The following COL18A1 variants were observed in gnomAD, a reference collection of about 807,000 sequenced individuals.
The protein encoded by COL18A1 is collagen alpha-1(XVIII) chain.
In COL18A1, 133 loss-of-function variants were observed where a neutral mutation model predicts 168.0. That is an observed-to-expected ratio of 0.79 (90% CI 0.69 to 0.91). The LOEUF is 0.91. Ranked by LOEUF, COL18A1 falls within the 40% of genes least tolerant of loss-of-function variation. The pLI, the probability that COL18A1 is intolerant of heterozygous loss-of-function variation, is 0.00. For synonymous variants in COL18A1, 949 were observed against 809.0 expected (o/e 1.17, Z -2.94); for missense variants, 2,126 against 1,925.4 (o/e 1.10, Z -1.95).
intron 32 of COL18A1, 65 bp downstream of exon 32, chr21:45,497,726 A>T: frequency 6.5e-7 from 1 of 1,546,020 alleles, no homozygotes; most frequent in South Asian, 1.2e-5. Flanking sequence ...GTGTGGTCAC[A>T]CCTAGAGCCG....
intron 2 of COL18A1, among the ~76,000 whole-genome samples, chr21:45,435,324 G>A (rs2034071205): frequency 1.3e-5 from 2 of 150,154 alleles, no homozygotes; most frequent in South Asian, 2.1e-4. Flanking sequence ...GGCGGAGGGA[G>A]GAGGAGGAAG....
rs1018522634 is a variant in COL18A1 at position 45,493,392 on chromosome 21, G to C, written c.2278-109G>C. On this transcript the variant is annotated intron_variant, in intron 25 of 41. Coordinates refer to ENST00000651438, the MANE Select transcript of COL18A1 (RefSeq NM_001379500.1). ...GTCCCTGTGGTCACCTCCCGTGAAA[G>C]GACCCAGCCTGCGAGGCCCAGTCAC... The C allele has an allele frequency of 7.9e-5, 103 of 1,297,908 alleles. No individual in the cohort carries two copies. The African/African-American group carries it at 1.3e-3, about 17-fold the overall frequency. The allele number at this position is 1,297,908 out of a possible 1,614,324, so 80.4% of individuals were successfully genotyped here. A position where few individuals can be genotyped will look rare whatever the true frequency, so the allele number is the denominator to read the frequency against.
intron 2 of COL18A1, among the ~76,000 whole-genome samples, chr21:45,464,183 A>G (rs2035127874): frequency 6.6e-6 from 1 of 151,842 alleles, no homozygotes; most frequent in African/African-American, 2.4e-5. Flanking sequence ...GTGCCCAGGC[A>G]CTGGGGCAGA....
chr21:45,503,501 T>C (rs1476977921), intron 32 of COL18A1, among the ~76,000 whole-genome samples: 1 of 151,794 alleles, frequency 6.6e-6, no homozygotes, highest in South Asian at 2.1e-4. Flanking sequence ...ATGGATGAAA[T>C]TGGAAATCAT....
intron 36 of COL18A1, 123 bp downstream of exon 36, chr21:45,505,554 G>T (rs939417961): frequency 1.4e-6 from 1 of 701,280 alleles, no homozygotes; most frequent in Non-Finnish European, 2.5e-6. Flanking sequence ...GCCAAGATGC[G>T]GTTTCCAGGG....
At chr21:45,479,835 C>G in intron 9 of COL18A1, 67 bp from the exon 10 acceptor site, 1 of 1,606,262 alleles carries the variant, frequency 6.2e-7, no homozygotes, top group Non-Finnish European at 8.5e-7. Flanking sequence ...GGGAGGAGCA[C>G]TGAGAGTGCT....
chr21:45,439,563 C>T (rs922156449), intron 2 of COL18A1, among the ~76,000 whole-genome samples: 1 of 148,358 alleles, frequency 6.7e-6, no homozygotes, highest in African/African-American at 2.4e-5. Flanking sequence ...GGGCCTCTGG[C>T]TCCCCCTGGC....
At chr21:45,495,849 A>G (rs1315708762) in intron 29 of COL18A1, 10 of 323,472 alleles carry the variant, frequency 3.1e-5, no homozygotes, top group Admixed American at 1.7e-4. Context: ...ATATACATAC[A>G]CTCATACATG....
rs1568952939 is a variant in COL18A1 at position 45,510,281 on chromosome 21, AGGGCGCGGGCTCCTC to A, written c.3693+23_3693+37del. ...CTCAAGGTGGGTCAGTCCAGTCCTG[AGGGCGCGGGCTCCTC>A]GGCCCCCACTTGACCTCTGGGGTGA... On this transcript the variant is annotated intron_variant, in intron 40 of 41. Transcript: ENST00000651438. 6.3e-7 allele frequency: 1 copy of A among 1,585,460 alleles called. No individual in the cohort carries two copies. Among genetic ancestry groups the A allele is most frequent in the Non-Finnish European group, 8.6e-7 (1 of 1,166,858 alleles).
chr21:45,492,872 G>A (rs896684349), intron 24 of COL18A1, among the ~76,000 whole-genome samples, 159 bp downstream of exon 24: 3 of 152,328 alleles, frequency 2.0e-5, no homozygotes, highest in Non-Finnish European at 4.4e-5. Flanking sequence ...GGATGTGGGC[G>A]AGAGCCGCTG....
intron 2 of COL18A1, among the ~76,000 whole-genome samples, chr21:45,414,582 C>G (rs1249245713): frequency 6.6e-6 from 1 of 152,094 alleles, no homozygotes; most frequent in Non-Finnish European, 1.5e-5. Context: ...GCGGCCGACT[C>G]TGCCCCAGGC....
rs368081758 is a variant in COL18A1 at position 45,437,210 on chromosome 21, G to GCA, written c.107-31019_107-31018dup. On this transcript the variant is annotated intron_variant, in intron 2 of 41. Coordinates refer to ENST00000651438, the MANE Select transcript of COL18A1 (RefSeq NM_001379500.1). ...CACACAGACACACAGGCACTCTCCT[G>GCA]CACACACACACACAGACACACAGGC... Among the ~76,000 whole-genome samples, 73 of 83,582 alleles carry GCA rather than the reference G, an allele frequency of 8.7e-4. 1 individual carries two copies. Among genetic ancestry groups the GCA allele is most frequent in the African/African-American group, 2.7e-3 (41 of 15,250 alleles). The allele number at this position is 83,582 out of a possible 152,430, so 54.8% of individuals were successfully genotyped here.
intron 3 of COL18A1, among the ~76,000 whole-genome samples, chr21:45,469,311 G>A (rs969003954): frequency 3.3e-5 from 5 of 152,384 alleles, no homozygotes; most frequent in African/African-American, 4.8e-5. Context: ...TGTTGAAAAC[G>A]ATGAACGATC....
At chr21:45,429,101 T>C (rs570753437) in intron 2 of COL18A1, among the ~76,000 whole-genome samples, 2 of 152,044 alleles carry the variant, frequency 1.3e-5, no homozygotes, top group South Asian at 2.1e-4. Context: ...TGGGGTTTCA[T>C]CATGTTGGCC....
intron 2 of COL18A1, among the ~76,000 whole-genome samples, chr21:45,437,665 CTCAG>C (rs1467652854): frequency 2.4e-4 from 16 of 67,316 alleles, no homozygotes; most frequent in East Asian, 1.7e-3. Flanking sequence ...CACACACACA[CTCAG>C]ACACACAGGC....
intron 2 of COL18A1, among the ~76,000 whole-genome samples, chr21:45,406,840 A>G (rs2123489560): frequency 6.6e-6 from 1 of 152,360 alleles, no homozygotes; most frequent in African/African-American, 2.4e-5. Context: ...TGTTAACGCG[A>G]GCTTTGGTGA....
chr21:45,504,525 C>T lies in COL18A1; in HGVS notation c.2837C>T (p.Pro946Leu), dbSNP rs758192127. 1 of 1,516,248 alleles carries T rather than the reference C, an allele frequency of 6.6e-7. No individual in the cohort carries two copies. Among genetic ancestry groups the T allele is most frequent in the Non-Finnish European group, 9.0e-7 (1 of 1,108,064 alleles). The allele number at this position is 1,516,248 out of a possible 1,614,324, so 93.9% of individuals were successfully genotyped here. ...CCCGGCCCCCCCGGCCCCCCAGGCCCCCCAGGCCCACGTGGCTACCCTGGG... is the reference window on the plus strand; with the variant it reads ...CCCGGCCCCCCCGGCCCCCCAGGCCTCCCAGGCCCACGTGGCTACCCTGGG... ...SLPGPPGPPG[P>L]PGPRGYPGIP... Residue 946 changes from proline (P) to leucine (L), a missense_variant, in exon 34 of 42, where the codon CCC (proline) becomes CTC (leucine). By Grantham distance (98) the Pro-to-Leu change is moderately conservative. Transcript: ENST00000651438.
chr21:45,492,507 T>C, intron 22 of COL18A1, 28 bp from the exon 23 acceptor site: 10 of 1,613,506 alleles, frequency 6.2e-6, no homozygotes, highest in Non-Finnish European at 7.6e-6. Flanking sequence ...GCTCTTTGTT[T>C]CCGATTTTTC....
Position 45,425,820 on chromosome 21 carries a change from G to A in COL18A1, c.106+20347G>A, listed in dbSNP as rs775915341. 6.6e-6 allele frequency among the ~76,000 whole-genome samples: 1 copy of A among 152,126 alleles called. No homozygotes were observed. The highest frequency in any genetic ancestry group is 1.5e-5 in the Non-Finnish European group (1 of 68,028). ...AGCGCCAAGGGCTCTCGGGATTCAC[G>A]AGATCCACATTTATCCCAAGTTAGA... is the stretch of plus-strand genomic sequence containing the variant. On this transcript the variant is annotated intron_variant, in intron 2 of 41. Coordinates refer to ENST00000651438, the MANE Select transcript of COL18A1 (RefSeq NM_001379500.1). This position sits in a 1 kb window ranked among gnomAD's most constrained non-coding sequence, Gnocchi z 4.1.
Sources: allele counts gnomAD v4.1 joint callset (sites outside exome capture counted in the v4.1 genomes callset), GRCh38; gene constraint gnomAD v4.1.1; non-coding constraint Gnocchi (gnomAD v3.1); transcripts MANE v1.5; gene names NCBI Gene and HGNC (gene_info 2026-07-23, HGNC 2026-07-21).